Variants in IDE observed in about 807,000 individuals in gnomAD.
The protein encoded by IDE is insulin-degrading enzyme.
A neutral mutation model predicts 133.2 loss-of-function variants in IDE; 58 were observed. The observed-to-expected ratio is 0.44, with a 90% confidence interval of 0.35 to 0.54. The LOEUF (loss-of-function observed/expected upper bound fraction) is 0.54. Ranked by LOEUF, IDE falls within the 20% of genes least tolerant of loss-of-function variation. IDE has a pLI of 0.00. For missense variants in IDE, 981 were observed against 1,234.0 expected (o/e 0.79, Z 3.07); for synonymous variants, 396 against 421.3 (o/e 0.94, Z 0.73).
chr10:92,470,853 T>C (rs1026740905), intron 17 of IDE, among the ~76,000 whole-genome samples: 2 of 152,174 alleles, frequency 1.3e-5, no homozygotes, highest in African/African-American at 4.8e-5. Flanking sequence ...ACTCATGAAG[T>C]TGATATGTTG....
chr10:92,557,529 C>CA (rs796766582), intron 1 of IDE, among the ~76,000 whole-genome samples: 15 of 150,970 alleles, frequency 9.9e-5, no homozygotes, highest in African/African-American at 2.9e-4. Flanking sequence ...GACTCCATCT[C>CA]AAAAAAAACC....
At chr10:92,553,961 C>A (rs1223072496) in intron 1 of IDE, among the ~76,000 whole-genome samples, 1 of 152,112 alleles carries the variant, frequency 6.6e-6, no homozygotes, top group Non-Finnish European at 1.5e-5. Flanking sequence ...GAAGGAATAA[C>A]TCCAAACTCA....
chr10:92,459,196 G>GT (rs1243589836), intron 22 of IDE, among the ~76,000 whole-genome samples: 1 of 152,170 alleles, frequency 6.6e-6, no homozygotes, highest in Non-Finnish European at 1.5e-5. Context: ...TGGGAGAGGT[G>GT]TAAGCAACTC....
chr10:92,543,499 A>T (rs1196007730), intron 1 of IDE, among the ~76,000 whole-genome samples: 1 of 152,230 alleles, frequency 6.6e-6, no homozygotes, highest in Non-Finnish European at 1.5e-5. Context: ...CAGCTAGATC[A>T]TAAAGTTGGG....
In IDE at chr10:92,571,602, C is replaced by T. The variant is rs74773314; in HGVS notation, c.98+2320G>A. ...TGCCCCAGTAGTTCAGATAATTCCA[C>T]ACAGTCCCAAGTTATAAAATACAGC... On this transcript the variant is annotated intron_variant, in intron 1 of 24. Coordinates refer to ENST00000265986, the MANE Select transcript of IDE (RefSeq NM_004969.4). 2.5e-4 allele frequency among the ~76,000 whole-genome samples: 38 copies of T among 152,286 alleles called. 1 individual carries two copies. The East Asian group carries it at 7.0e-3, about 28-fold the overall frequency.
intron 16 of IDE, among the ~76,000 whole-genome samples, chr10:92,475,579 T>C (rs1466384886): frequency 6.6e-6 from 1 of 152,132 alleles, no homozygotes; most frequent in Admixed American, 6.5e-5. Flanking sequence ...GAGGTTGGGA[T>C]GGAACATTCA....
chr10:92,519,256 GAA>G (rs1435703276), intron 4 of IDE, among the ~76,000 whole-genome samples: 1 of 152,142 alleles, frequency 6.6e-6, no homozygotes, highest in Admixed American at 6.6e-5. Context: ...CAACACCTAA[GAA>G]ACCATGTATG....
At chr10:92,539,046 G>C (rs1222322100) in intron 1 of IDE, among the ~76,000 whole-genome samples, 2 of 151,060 alleles carry the variant, frequency 1.3e-5, no homozygotes, top group Non-Finnish European at 2.9e-5. Context: ...TCTAGAGATT[G>C]AGAGAGGAAA....
At chr10:92,540,226 C>G (rs1312379910) in intron 1 of IDE, among the ~76,000 whole-genome samples, 4 of 148,226 alleles carry the variant, frequency 2.7e-5, no homozygotes, top group Non-Finnish European at 5.9e-5. Context: ...CTGGGCGCAA[C>G]AGAGCGAGAC....
intron 4 of IDE, among the ~76,000 whole-genome samples, chr10:92,521,172 A>G (rs1849206334): frequency 6.6e-6 from 1 of 152,238 alleles, no homozygotes; most frequent in East Asian, 1.9e-4. Context: ...TAATAGAATT[A>G]GCATTAGAAA....
At chr10:92,540,405 A>G (rs532706850) in intron 1 of IDE, among the ~76,000 whole-genome samples, 120 of 152,364 alleles carry the variant, frequency 7.9e-4, no homozygotes, top group Non-Finnish European at 1.4e-3. Context: ...CCAACTTAGC[A>G]GCGACATAAC....
At chr10:92,512,816 T>C (rs1458280517) in intron 5 of IDE, among the ~76,000 whole-genome samples, 1 of 152,170 alleles carries the variant, frequency 6.6e-6, no homozygotes, top group Non-Finnish European at 1.5e-5. Context: ...AAAAGCTAAA[T>C]TATGGTAACA....
At chr10:92,509,600 C>A (rs148922362) in intron 6 of IDE, among the ~76,000 whole-genome samples, 182 of 150,970 alleles carry the variant, frequency 1.2e-3, no homozygotes, top group Middle Eastern at 3.5e-3. Context: ...GTCAAAAAAA[C>A]CAAAAACAGA....
chr10:92,537,636 T>A, intron 1 of IDE, 86 bp from the exon 2 acceptor site: 1 of 954,162 alleles, frequency 1.0e-6, no homozygotes, highest in Non-Finnish European at 1.6e-6. Flanking sequence ...ATATAATACA[T>A]CATCAGATTT....
chr10:92,478,495 A>G, intron 15 of IDE: 1 of 281,566 alleles, frequency 3.6e-6, no homozygotes, highest in South Asian at 5.9e-5. Flanking sequence ...AGTGGAACTA[A>G]CACTAATTTG....
chr10:92,536,153 C>T (rs961074694), intron 2 of IDE, among the ~76,000 whole-genome samples: 4 of 151,590 alleles, frequency 2.6e-5, no homozygotes, highest in Admixed American at 6.6e-5. Context: ...GAGGCTGAGG[C>T]GGGTGGATCA....
intron 22 of IDE, among the ~76,000 whole-genome samples, chr10:92,458,869 C>A (rs927737330): frequency 6.6e-6 from 1 of 151,896 alleles, no homozygotes; most frequent in South Asian, 2.1e-4. Flanking sequence ...TGGGCTCTAG[C>A]GATCTTCCTG....
intron 1 of IDE, among the ~76,000 whole-genome samples, chr10:92,543,326 AGT>A (rs1373513238): frequency 5.3e-5 from 8 of 152,242 alleles, no homozygotes; most frequent in African/African-American, 1.9e-4. Flanking sequence ...GTGACAAGAT[AGT>A]GGTGGTATGA....
Position 92,487,334 on chromosome 10 carries a change from A to G in IDE, c.1534-16T>C, listed in dbSNP as rs773702643. 2 of 1,606,370 alleles carry G rather than the reference A, an allele frequency of 1.2e-6. No individual in the cohort carries two copies. Among genetic ancestry groups the G allele is most frequent in the Admixed American group, 3.4e-5 (2 of 58,966 alleles). ...TTTGCCATTTCTGGATGAATAATGA[A>G]ACACACAAATGCAGTAAGAGTCTGA... On this transcript the variant is annotated splice_polypyrimidine_tract_variant and intron_variant, in intron 12 of 24. Coordinates refer to ENST00000265986, the MANE Select transcript of IDE (RefSeq NM_004969.4).
Sources: gnomAD v4.1 joint callset for allele counts (sites outside exome capture counted in the v4.1 genomes callset) on GRCh38, gnomAD v4.1.1 for gene constraint, MANE v1.5 for transcripts, NCBI Gene and HGNC (gene_info 2026-07-23, HGNC 2026-07-21) for gene names.